FHOD3: variants seen among roughly 807,000 people sequenced by gnomAD.
FHOD3 encodes the protein formin homology 2 domain containing 3, also known as FH1/FH2 domain-containing protein 3.
FHOD3 carries 90 observed loss-of-function variants against 173.0 expected under a neutral mutation model. The observed-to-expected ratio is 0.52, with a 90% CI of 0.44 to 0.62. The LOEUF (loss-of-function observed/expected upper bound fraction) is 0.62. Among genes scored for constraint, FHOD3 ranks in the 20% least tolerant of loss-of-function variants. The pLI is 0.00. For missense variants in FHOD3, 1,945 were observed against 2,034.7 expected (o/e 0.96, Z 0.85); for synonymous variants, 828 against 823.0 (o/e 1.01, Z -0.10).
chr18:36,444,369 A>C (rs2051342631), intron 3 of FHOD3, among the ~76,000 whole-genome samples: 1 of 151,984 alleles, frequency 6.6e-6, no homozygotes, highest in Non-Finnish European at 1.5e-5. Context: ...GTTACTTCTC[A>C]TACTCCATTT....
chr18:36,493,815 C>T (rs567044187), intron 3 of FHOD3, among the ~76,000 whole-genome samples: 35 of 152,242 alleles, frequency 2.3e-4, no homozygotes, highest in Non-Finnish European at 4.6e-4. Context: ...TGCAGCAGCC[C>T]AGGGGAAAAA....
At chr18:36,545,472 C>G (rs1226432230) in intron 5 of FHOD3, among the ~76,000 whole-genome samples, 1 of 152,258 alleles carries the variant, frequency 6.6e-6, no homozygotes, top group East Asian at 1.9e-4. Flanking sequence ...AATCTGCATC[C>G]AAAATGTAAA....
intron 3 of FHOD3, among the ~76,000 whole-genome samples, chr18:36,423,600 C>G (rs997734822): frequency 6.6e-6 from 1 of 152,122 alleles, no homozygotes; most frequent in African/African-American, 2.4e-5. Context: ...AGTAGAAGTA[C>G]CTGGAGGCTC....
rs759345400 is a variant in FHOD3, at chr18:36,298,009, C to A, written c.165+9C>A. ...TGCAGGCGCCGCACAAGGTACGACC[C>A]GGCGGGGTGGGCTGGGCCCCCTGGA... is the stretch of plus-strand genomic sequence containing the variant. On this transcript the variant is annotated intron_variant, in intron 1 of 28. Transcript: ENST00000590592. 6.5e-7 allele frequency: 1 copy of A among 1,529,446 alleles called. No individual in the cohort carries two copies. Among genetic ancestry groups the A allele is most frequent in the East Asian group, 2.7e-5 (1 of 37,338 alleles). The allele number at this position is 1,529,446 out of a possible 1,614,324, so 94.7% of individuals were successfully genotyped here.
intron 10 of FHOD3, 54 bp downstream of exon 10, chr18:36,625,803 G>T: frequency 7.1e-7 from 1 of 1,407,374 alleles, no homozygotes; most frequent in South Asian, 1.5e-5. Context: ...CCAAAAGAGA[G>T]CCCACAGGTG....
intron 1 of FHOD3, among the ~76,000 whole-genome samples, chr18:36,343,924 A>T (rs2045757009): frequency 6.6e-6 from 1 of 152,168 alleles, no homozygotes. Context: ...GCTGGAAGGT[A>T]TATGTGTAGG....
At chr18:36,430,671 A>G (rs1188907387) in intron 3 of FHOD3, among the ~76,000 whole-genome samples, 1 of 152,248 alleles carries the variant, frequency 6.6e-6, no homozygotes, top group Non-Finnish European at 1.5e-5. Context: ...TTGTGGAATT[A>G]CCAGAAATGA....
rs534146375 is a variant in FHOD3 at position 36,602,608 on chromosome 18, G to T, written c.719-66G>T. ...TGGATACGTCCTTGGATAATAAACT[G>T]TGATGTGAGTTAGATAAAGAATGTT... is the stretch of plus-strand genomic sequence containing the variant. On this transcript the variant is annotated intron_variant, in intron 7 of 28. Coordinates refer to ENST00000590592, the MANE Select transcript of FHOD3 (RefSeq NM_001281740.3). 3.4e-6 allele frequency: 4 copies of T among 1,175,446 alleles called. No individual in the cohort carries two copies. In the African/African-American group the frequency reaches 6.0e-5, roughly 18 times the overall value. 72.8% of individuals were successfully genotyped at this position (1,175,446 alleles called of 1,614,324 possible). A position where few individuals can be genotyped will look rare whatever the true frequency, so the allele number is the denominator to read the frequency against.
chr18:36,370,239 A>G (rs78317635), intron 2 of FHOD3, among the ~76,000 whole-genome samples: 155 of 152,266 alleles, frequency 1.0e-3, no homozygotes, highest in African/African-American at 3.6e-3. Flanking sequence ...CTTCATGTAT[A>G]GGATTTTGTG....
intron 1 of FHOD3, among the ~76,000 whole-genome samples, chr18:36,334,253 T>C (rs2045183306): frequency 6.6e-6 from 1 of 152,228 alleles, no homozygotes. Flanking sequence ...ATAATACTTA[T>C]TCATTAGGAA....
chr18:36,704,401 C>T (rs1241922466), intron 17 of FHOD3, among the ~76,000 whole-genome samples: 2 of 152,220 alleles, frequency 1.3e-5, no homozygotes, highest in African/African-American at 4.8e-5. Context: ...AATGCACGCC[C>T]ACTGCTAGGA....
intron 5 of FHOD3, among the ~76,000 whole-genome samples, chr18:36,527,380 A>G (rs1319645943): frequency 1.3e-5 from 2 of 152,236 alleles, no homozygotes; most frequent in Admixed American, 6.5e-5. Flanking sequence ...GTGCTCTCCA[A>G]TCTGCCGTAT....
chr18:36,614,840 ATTTTTTTTTTTTT>A (rs751719654), intron 9 of FHOD3, among the ~76,000 whole-genome samples: 1 of 86,196 alleles, frequency 1.2e-5, no homozygotes, highest in Non-Finnish European at 2.2e-5. Flanking sequence ...TTTTTAATTG[ATTTTTTTTTTTTT>A]TTTTTTTTTT....
intron 10 of FHOD3, 48 bp from the exon 11 acceptor site, chr18:36,649,268 T>C: frequency 1.4e-6 from 2 of 1,423,906 alleles, no homozygotes; most frequent in East Asian, 5.0e-5. Context: ...CTCATCTCAC[T>C]TTTCCATGTT....
intron 1 of FHOD3, among the ~76,000 whole-genome samples, chr18:36,323,762 C>T (rs2044521745): frequency 6.6e-6 from 1 of 152,218 alleles, no homozygotes; most frequent in African/African-American, 2.4e-5. Flanking sequence ...TTCTCAAGAC[C>T]ATCCTCGACT....
chr18:36,599,447 C>T (rs754628772), intron 7 of FHOD3, among the ~76,000 whole-genome samples: 13 of 152,194 alleles, frequency 8.5e-5, no homozygotes, highest in Non-Finnish European at 1.8e-4. Flanking sequence ...CTGTGAAGAT[C>T]GTGTAAAGTG....
intron 3 of FHOD3, among the ~76,000 whole-genome samples, chr18:36,380,598 C>CT (rs1346344315): frequency 1.5e-5 from 2 of 135,664 alleles, no homozygotes; most frequent in African/African-American, 6.0e-5. Flanking sequence ...CTTTCCTTTC[C>CT]TTTCCTTTCC....
In FHOD3 at chr18:36,611,946, T is replaced by C. The variant is rs372746494; in HGVS notation, c.814-6T>C. 1.3e-4 allele frequency: 217 copies of C among 1,612,852 alleles called. 1 individual carries two copies. In the African/African-American group the frequency reaches 2.6e-3, roughly 20 times the overall value. On this transcript the variant is annotated splice_polypyrimidine_tract_variant and splice_region_variant and intron_variant, in intron 8 of 28. Coordinates refer to ENST00000590592, the MANE Select transcript of FHOD3 (RefSeq NM_001281740.3). ...GTCTCTGTAGCTGGTTCTTCTCTTC[T>C]TCCAGACGTTATCAGGACTACCAGA... is the stretch of plus-strand genomic sequence containing the variant.
chr18:36,471,512 A>G (rs1185734887), intron 3 of FHOD3, among the ~76,000 whole-genome samples: 2 of 152,158 alleles, frequency 1.3e-5, no homozygotes, highest in African/African-American at 2.4e-5. Flanking sequence ...TCTCCTGAGT[A>G]CTGGGCTCAC....
Sources: gnomAD v4.1 joint callset for allele counts (sites outside exome capture counted in the v4.1 genomes callset) on GRCh38, gnomAD v4.1.1 for gene constraint, MANE v1.5 for transcripts, NCBI Gene and HGNC (gene_info 2026-07-23, HGNC 2026-07-21) for gene names.